Variants in NTM observed in about 807,000 individuals in gnomAD.
NTM encodes IgLON family member 2.
Under a neutral mutation model 42.1 loss-of-function variants are expected in NTM, and 13 were observed. That is an observed-to-expected ratio of 0.31 (90% CI 0.20 to 0.49). NTM has a LOEUF of 0.49. NTM is among the 20% of genes least tolerant of loss of function. NTM has a pLI of 0.99. For missense variants in NTM, 373 were observed against 452.8 expected (o/e 0.82, Z 1.60); for synonymous variants, 187 against 179.2 (o/e 1.04, Z -0.35).
intron 1 of NTM, among the ~76,000 whole-genome samples, chr11:131,624,035 G>A (rs1041629361): frequency 7.9e-5 from 12 of 152,194 alleles, no homozygotes; most frequent in African/African-American, 2.7e-4. Context: ...ATGGAGCCAT[G>A]TCAGGGGGTT....
Position 131,401,066 on chromosome 11 carries a change from GACAA to G in NTM, c.82+30182_82+30185del, listed in dbSNP as rs1945083239. On this transcript the variant is annotated intron_variant, in intron 1 of 8. Coordinates refer to ENST00000683400, the MANE Select transcript of NTM (RefSeq NM_001352005.2). ...ATGCATAGACAGACAGAAAATTTGA[GACAA>G]ACAGAGAGAGACAGGAGAAGTGGAA... is the stretch of plus-strand genomic sequence containing the variant. Among the ~76,000 whole-genome samples, 5 of 150,570 alleles carry G rather than the reference GACAA, an allele frequency of 3.3e-5. No individual in the cohort carries two copies. The South Asian group carries it at 1.0e-3, about 31-fold the overall frequency.
intron 1 of NTM, among the ~76,000 whole-genome samples, chr11:131,427,598 G>A (rs1025880793): frequency 4.6e-5 from 7 of 152,112 alleles, no homozygotes; most frequent in Admixed American, 2.0e-4. Context: ...CCTGTCCCTC[G>A]GTGTTCTACC....
At position 131,432,140 on chromosome 11, in the gene NTM, C is replaced by A. The variant is rs185664203; in HGVS notation, c.82+61252C>A. ...ATTCTTACCATTAATAGCAAAATTGCAGACAGGGGGAGTACTACATTCCTC... is the reference window on the plus strand; with the variant it reads ...ATTCTTACCATTAATAGCAAAATTGAAGACAGGGGGAGTACTACATTCCTC... On this transcript the variant is annotated intron_variant, in intron 1 of 8. Coordinates refer to ENST00000683400, the MANE Select transcript of NTM (RefSeq NM_001352005.2). Among the ~76,000 whole-genome samples the A allele has an allele frequency of 3.3e-5, 5 of 152,208 alleles. No individual in the cohort carries two copies. The East Asian group carries it at 9.7e-4, about 29-fold the overall frequency.
intron 4 of NTM, among the ~76,000 whole-genome samples, chr11:132,268,306 C>G (rs1264665769): frequency 2.0e-5 from 3 of 152,200 alleles, no homozygotes; most frequent in Admixed American, 6.5e-5. Context: ...GTGTTGCACT[C>G]TGCTAGCTAC....
intron 1 of NTM, among the ~76,000 whole-genome samples, chr11:131,903,688 A>G (rs1247184550): frequency 1.3e-5 from 2 of 152,308 alleles, no homozygotes; most frequent in East Asian, 3.9e-4. Flanking sequence ...ATCCTAGACT[A>G]TTAGAGTTGG....
intron 2 of NTM, among the ~76,000 whole-genome samples, chr11:132,082,408 C>T (rs2136295858): frequency 6.6e-6 from 1 of 152,306 alleles, no homozygotes; most frequent in South Asian, 2.1e-4. Context: ...GGCATGAATT[C>T]CTGGTGGCTC....
intron 1 of NTM, among the ~76,000 whole-genome samples, chr11:131,521,269 C>T (rs559974087): frequency 2.7e-5 from 4 of 147,950 alleles, no homozygotes; most frequent in Middle Eastern, 3.8e-3. Flanking sequence ...GAGCCAAGAT[C>T]GTGCCACTGT....
At chr11:132,143,004 T>C (rs990419024) in intron 2 of NTM, among the ~76,000 whole-genome samples, 2 of 152,170 alleles carry the variant, frequency 1.3e-5, no homozygotes, top group Non-Finnish European at 2.9e-5. Context: ...TGTTTGTCAG[T>C]CAGCGTTTCC....
intron 1 of NTM, among the ~76,000 whole-genome samples, chr11:131,850,496 G>A (rs1008448883): frequency 1.3e-5 from 2 of 152,166 alleles, no homozygotes; most frequent in Non-Finnish European, 1.5e-5. Context: ...GAGCTGGGAG[G>A]CTTTCGGGAG....
chr11:131,506,659 C>A (rs2047529191), intron 1 of NTM, among the ~76,000 whole-genome samples: 1 of 152,112 alleles, frequency 6.6e-6, no homozygotes, highest in Admixed American at 6.5e-5. Context: ...GGGAATGGGG[C>A]AGGGCACAGC....
At chr11:131,952,046 C>T (rs1379574300) in intron 2 of NTM, among the ~76,000 whole-genome samples, 1 of 151,998 alleles carries the variant, frequency 6.6e-6, no homozygotes, top group East Asian at 1.9e-4. Context: ...TCTCTTTTAT[C>T]ACACTTTTTT....
intron 1 of NTM, among the ~76,000 whole-genome samples, chr11:131,566,574 C>T (rs761824624): frequency 2.1e-4 from 32 of 152,158 alleles, no homozygotes; most frequent in Admixed American, 2.0e-4. Flanking sequence ...CTTTTCCCCG[C>T]CATTCTGTTA....
chr11:131,690,931 T>C (rs1380614528), intron 1 of NTM, among the ~76,000 whole-genome samples: 1 of 152,128 alleles, frequency 6.6e-6, no homozygotes, highest in Non-Finnish European at 1.5e-5. Flanking sequence ...GAAGCTGCCT[T>C]GATCGAAACC....
At chr11:132,007,094 G>A in intron 2 of NTM, among the ~76,000 whole-genome samples, 1 of 152,186 alleles carries the variant, frequency 6.6e-6, no homozygotes, top group Non-Finnish European at 1.5e-5. Context: ...GATGAAAAAA[G>A]CTCCTCCCTG....
chr11:131,911,181 C>T (rs949293891), intron 1 of NTM: 1 of 1,347,112 alleles, frequency 7.4e-7, no homozygotes, highest in Non-Finnish European at 9.6e-7. Context: ...ACACCTTTCA[C>T]CTGCCGCGCG....
intron 1 of NTM, among the ~76,000 whole-genome samples, chr11:131,822,816 G>A (rs1403244192): frequency 6.7e-6 from 1 of 148,916 alleles, no homozygotes; most frequent in African/African-American, 2.5e-5. Context: ...GGTTTTCAAC[G>A]TTCAAGGACT....
At chr11:131,958,227 G>T (rs1015326793) in intron 2 of NTM, among the ~76,000 whole-genome samples, 1 of 152,104 alleles carries the variant, frequency 6.6e-6, no homozygotes, top group South Asian at 2.1e-4. Context: ...GACATAGAAC[G>T]TAAAAGGCAC....
At chr11:131,678,626 C>T (rs958882338) in intron 1 of NTM, among the ~76,000 whole-genome samples, 2 of 152,262 alleles carry the variant, frequency 1.3e-5, no homozygotes, top group African/African-American at 4.8e-5. Flanking sequence ...TGTCACAGTT[C>T]CTCAAGGGCA....
chr11:131,407,675 C>A (rs141663371), intron 1 of NTM, among the ~76,000 whole-genome samples: 170 of 152,284 alleles, frequency 1.1e-3, no homozygotes, highest in Non-Finnish European at 2.2e-3. Flanking sequence ...CAGGGTCATC[C>A]CTGATGGGTA....
Sources: gnomAD v4.1 joint callset for allele counts (sites outside exome capture counted in the v4.1 genomes callset) on GRCh38, gnomAD v4.1.1 for gene constraint, MANE v1.5 for transcripts, NCBI Gene and HGNC (gene_info 2026-07-23, HGNC 2026-07-21) for gene names.